Variants in FRY observed in about 807,000 individuals in gnomAD.
The protein encoded by FRY is protein furry homolog.
A neutral mutation model predicts 348.4 loss-of-function variants in FRY; 128 were observed. The observed-to-expected ratio is 0.37, with a 90% confidence interval of 0.32 to 0.43. The LOEUF is 0.43. FRY is among the 20% of genes least tolerant of loss of function. The pLI is 1.00. For synonymous variants in FRY, 1,370 were observed against 1,374.7 expected (o/e 1.00, Z 0.08); for missense variants, 2,736 against 3,695.2 (o/e 0.74, Z 6.73).
At chr13:32,088,887 T>G (rs1219417441) in intron 2 of FRY, among the ~76,000 whole-genome samples, 2 of 152,206 alleles carry the variant, frequency 1.3e-5, no homozygotes, top group Non-Finnish European at 2.9e-5. Context: ...AATTCCTCAT[T>G]TCGGTCTAGT....
Position 32,295,376 on chromosome 13 carries a change from C to T in FRY, c.8958C>T (p.Ile2986=). ...AGCTGATGGAGCTGAACATGGAGAT[C>T]CGGGACATGATCCGCAGGGCCCAGA... The part of the protein sequence containing the change: ...CTKLMELNME[I]RDMIRRAQSY... Residue 2986 remains isoleucine, a synonymous_variant, in exon 61 of 61, where the codon ATC becomes ATT. Transcript: ENST00000542859. The T allele has an allele frequency of 1.2e-6, 2 of 1,613,390 alleles. No homozygotes were observed. Among genetic ancestry groups the T allele is most frequent in the Non-Finnish European group, 1.7e-6 (2 of 1,179,894 alleles).
chr13:32,112,168 A>G (rs1359886494), intron 3 of FRY, among the ~76,000 whole-genome samples: 3 of 152,178 alleles, frequency 2.0e-5, no homozygotes, highest in Admixed American at 2.0e-4. Flanking sequence ...AGCTCTGGTG[A>G]ATAAAATCCT....
At chr13:32,260,258 T>C (rs191426066) in intron 51 of FRY, among the ~76,000 whole-genome samples, 1 of 152,362 alleles carries the variant, frequency 6.6e-6, no homozygotes, top group African/African-American at 2.4e-5. Context: ...GAAAAAGTTG[T>C]TTTATTTTAT....
Position 32,031,828 on chromosome 13 carries a change from G to T in FRY, c.33G>T (p.Glu11Asp). The T allele has an allele frequency of 6.9e-6, 11 of 1,605,256 alleles. No individual in the cohort carries two copies. Among genetic ancestry groups the T allele is most frequent in the Non-Finnish European group, 9.4e-6 (11 of 1,173,216 alleles). The change falls in exon 1 of 61, where the codon GAG (glutamate) becomes GAT (aspartate). Residue 11 changes from glutamate to aspartate, a missense_variant. Physicochemically the swap from Glu to Asp is conservative, Grantham distance 45. Transcript: ENST00000542859. ...GCCAGCAGGATTCGGGCTTCTTTGA[G>T]ATCAGTATCAAATATTTACTGAAAT... is the stretch of plus-strand genomic sequence containing the variant. MASQQDSGFF[E>D]ISIKYLLKSW...
chr13:32,279,253 G>A (rs568463506), intron 58 of FRY, among the ~76,000 whole-genome samples: 18 of 152,352 alleles, frequency 1.2e-4, no homozygotes, highest in Admixed American at 2.0e-4. Flanking sequence ...TGGGGAGGGC[G>A]GCTCTGGGAA....
chr13:32,135,050 T>C, intron 9 of FRY, 35 bp from the exon 10 acceptor site: 1 of 1,544,132 alleles, frequency 6.5e-7, no homozygotes, highest in South Asian at 1.1e-5. Context: ...TCAACAATTT[T>C]ATTAATATAA....
chr13:32,282,053 A>G (rs1888835610), intron 58 of FRY, among the ~76,000 whole-genome samples: 1 of 152,186 alleles, frequency 6.6e-6, no homozygotes, highest in African/African-American at 2.4e-5. Flanking sequence ...CTTACACACA[A>G]AAGGTAGGCC....
intron 58 of FRY, among the ~76,000 whole-genome samples, chr13:32,289,277 A>C (rs1262535307): frequency 6.6e-6 from 1 of 152,198 alleles, no homozygotes. Flanking sequence ...AATAAAAGGA[A>C]ATTTTTCTTT....
intron 11 of FRY, among the ~76,000 whole-genome samples, chr13:32,143,693 A>G (rs983533810): frequency 6.6e-6 from 1 of 152,206 alleles, no homozygotes; most frequent in African/African-American, 2.4e-5. Flanking sequence ...TATATATCTT[A>G]AAAAAGGAAA....
At chr13:32,111,344 A>C (rs1186883358) in intron 3 of FRY, among the ~76,000 whole-genome samples, 1 of 151,998 alleles carries the variant, frequency 6.6e-6, no homozygotes, top group East Asian at 1.9e-4. Context: ...CAAAAAAAAA[A>C]AATTAGCTGG....
In FRY at chr13:32,237,963, T is replaced by C. The variant is rs770542640; in HGVS notation, c.6395T>C (p.Met2132Thr). 1.7e-5 allele frequency: 27 copies of C among 1,614,024 alleles called. No individual in the cohort carries two copies. The South Asian group carries it at 2.0e-4, about 12-fold the overall frequency. Residue 2132 changes from methionine (M) to threonine (T), a missense_variant, in exon 44 of 61, where the codon ATG (methionine) becomes ACG (threonine). By Grantham distance (81) the Met-to-Thr change is moderately conservative. Coordinates refer to ENST00000542859, the MANE Select transcript of FRY (RefSeq NM_023037.3). This position sits in a 1 kb window ranked among gnomAD's most constrained non-coding sequence, Gnocchi z 6.3. ...CTGACACCAGTGTCCAAAATATCCA[T>C]GGTGGATGCATCCCACGCTATTGGT... ...SLLTPVSKIS[M>T]VDASHAIGFP...
In FRY at chr13:32,194,220, A is replaced by G. The variant is rs1314262830; in HGVS notation, c.3669A>G (p.Ala1223=). 1.2e-6 allele frequency: 2 copies of G among 1,614,022 alleles called. No homozygotes were observed. The highest frequency in any genetic ancestry group is 8.5e-7 in the Non-Finnish European group (1 of 1,179,900). Residue 1223 remains alanine (A), a synonymous_variant, in exon 29 of 61, where the codon GCA becomes GCG. Transcript: ENST00000542859. The part of the protein sequence containing the change: ...NPDQINLFNW[A]IDRCYTGSYQ... ...ACCAAATAAATCTTTTTAACTGGGCAATTGACCGATGCTACACAGGTTCCT... is the reference window on the plus strand; with the variant it reads ...ACCAAATAAATCTTTTTAACTGGGCGATTGACCGATGCTACACAGGTTCCT...
chr13:32,254,147 A>C (rs1887220231), intron 50 of FRY, 77 bp from the exon 51 acceptor site: 1 of 1,321,360 alleles, frequency 7.6e-7, no homozygotes, highest in Non-Finnish European at 1.1e-6. Context: ...GGTGCTATGA[A>C]GAGCCAATTA....
At chr13:32,171,705 T>C (rs904048177) in intron 18 of FRY, among the ~76,000 whole-genome samples, 1 of 152,220 alleles carries the variant, frequency 6.6e-6, no homozygotes, top group African/African-American at 2.4e-5. Flanking sequence ...TCCTCCCTGG[T>C]GGTGGGCCTT....
intron 1 of FRY, among the ~76,000 whole-genome samples, chr13:32,068,888 T>G (rs962791604): frequency 7.9e-5 from 12 of 151,916 alleles, no homozygotes; most frequent in Non-Finnish European, 1.3e-4. Flanking sequence ...TCATATATTT[T>G]TATGGATCCT....
intron 1 of FRY, among the ~76,000 whole-genome samples, chr13:32,074,798 G>A (rs184449927): frequency 4.0e-4 from 61 of 152,326 alleles, no homozygotes; most frequent in African/African-American, 1.4e-3. Context: ...ATTCTGTCAG[G>A]ATCCTTTCAT....
Position 32,178,840 on chromosome 13 carries a change from C to A in FRY, c.2682-4C>A. 1 of 1,603,026 alleles carries A rather than the reference C, an allele frequency of 6.2e-7. No homozygotes were observed. Among genetic ancestry groups the A allele is most frequent in the South Asian group, 1.1e-5 (1 of 90,834 alleles). On this transcript the variant is annotated splice_polypyrimidine_tract_variant and splice_region_variant and intron_variant, in intron 21 of 60. Transcript: ENST00000542859. ...CACTCTTGTTTTCGACTCCATATTT[C>A]TAGTAGCCCAATTAATGCCAAGAAA... is the stretch of plus-strand genomic sequence containing the variant.
In FRY at chr13:32,244,984, G is replaced by T. The variant is rs111905125; in HGVS notation, c.6828+802G>T. Among the ~76,000 whole-genome samples, 13 of 151,744 alleles carry T rather than the reference G, an allele frequency of 8.6e-5. No homozygotes were observed. In the South Asian group the frequency reaches 2.1e-3, roughly 24 times the overall value. On this transcript the variant is annotated intron_variant, in intron 47 of 60. Transcript: ENST00000542859. ...ATTTTTTTTTTCAAAACTGAGTCTC[G>T]CTCTGTCCAGGCTGGAGTGCAGTGG...
intron 55 of FRY, among the ~76,000 whole-genome samples, chr13:32,274,082 G>T (rs1034731982): frequency 3.9e-5 from 6 of 152,150 alleles, no homozygotes; most frequent in Admixed American, 3.3e-4. Context: ...AAGCATCCAC[G>T]CATTGGGAAA....
Sources: allele counts gnomAD v4.1 joint callset (sites outside exome capture counted in the v4.1 genomes callset), GRCh38; gene constraint gnomAD v4.1.1; non-coding constraint Gnocchi (gnomAD v3.1); transcripts MANE v1.5; gene names NCBI Gene and HGNC (gene_info 2026-07-23, HGNC 2026-07-21).